The following LRGUK variants were observed in gnomAD, a reference collection of about 807,000 sequenced individuals.
LRGUK encodes the protein leucine-rich repeat and guanylate kinase domain-containing protein.
Under a neutral mutation model 76.0 loss-of-function variants are expected in LRGUK, and 65 were observed. The observed-to-expected ratio is 0.85, with a 90% confidence interval of 0.70 to 1.05. LRGUK has a LOEUF of 1.05. LRGUK is among the 50% of genes least tolerant of loss of function. LRGUK has a pLI of 0.00. For synonymous variants in LRGUK, 268 were observed against 265.6 expected, an observed-to-expected ratio of 1.01 and a Z score of -0.09; for missense variants, 758 against 732.8, an observed-to-expected ratio of 1.03 and a Z score of -0.40.
intron 2 of LRGUK, 112 bp downstream of exon 2, chr7:134,137,242 C>A: frequency 1.3e-6 from 1 of 741,642 alleles, no homozygotes. Context: ...TGGAGCCTCG[C>A]ATTTGATGGA....
intron 18 of LRGUK, among the ~76,000 whole-genome samples, chr7:134,257,298 T>C (rs1563202228): frequency 6.6e-6 from 1 of 152,150 alleles, no homozygotes; most frequent in Non-Finnish European, 1.5e-5. Flanking sequence ...ACAGCAAATA[T>C]GGTGGGGATG....
At chr7:134,197,914 A>T (rs559243999) in intron 13 of LRGUK, among the ~76,000 whole-genome samples, 6 of 151,344 alleles carry the variant, frequency 4.0e-5, no homozygotes, top group South Asian at 2.1e-4. Flanking sequence ...TTTTGGAATT[A>T]AAAAAAAAGC....
intron 17 of LRGUK, among the ~76,000 whole-genome samples, 158 bp from the exon 18 acceptor site, chr7:134,248,793 C>T (rs549038021): frequency 5.3e-5 from 8 of 152,224 alleles, no homozygotes; most frequent in African/African-American, 1.9e-4. Context: ...CTTAGACAAG[C>T]TCTGATGTGC....
intron 9 of LRGUK, among the ~76,000 whole-genome samples, chr7:134,177,607 T>C (rs998083494): frequency 2.6e-5 from 4 of 152,194 alleles, no homozygotes; most frequent in African/African-American, 9.6e-5. Flanking sequence ...CTTTTCATAC[T>C]CATGGTCACT....
chr7:134,183,735 A>C (rs1421274423), exon 11 of LRGUK: 3 of 1,613,544 alleles, frequency 1.9e-6, no homozygotes, highest in East Asian at 4.5e-5. Flanking sequence ...GTGTTGTAGC[A>C]CTCTTCCCAG....
chr7:134,207,574 C>T (rs1267806018), intron 15 of LRGUK, among the ~76,000 whole-genome samples: 2 of 152,174 alleles, frequency 1.3e-5, no homozygotes, highest in African/African-American at 4.8e-5. Context: ...TGATGGGATG[C>T]AAAGGGTGCG....
At position 134,242,070 on chromosome 7, in the gene LRGUK, T is replaced by G. The variant is rs549063842; in HGVS notation, c.1984-5486T>G. ...TTCAAAGCAGTGTGTAGAGGGAAAT[T>G]TATAGCACTAAATGCCCACAAGAGA... is the stretch of plus-strand genomic sequence containing the variant. On this transcript the variant is annotated intron_variant, in intron 16 of 19. Coordinates refer to the LRGUK transcript ENST00000285928. Among the ~76,000 whole-genome samples the G allele has an allele frequency of 2.4e-4, 37 of 152,256 alleles. No individual in the cohort carries two copies. In the East Asian group the frequency reaches 4.4e-3, roughly 18 times the overall value.
chr7:134,127,703 C>G, intron 1 of LRGUK, 39 bp downstream of exon 1: 3 of 1,571,884 alleles, frequency 1.9e-6, no homozygotes, highest in Non-Finnish European at 2.6e-6. Flanking sequence ...CTGGCTCCCT[C>G]GTCCAGCCCT....
At chr7:134,210,145 A>C in exon 16 of LRGUK, 7 of 399,098 alleles carry the variant, frequency 1.8e-5, no homozygotes, top group Non-Finnish European at 2.7e-5. Context: ...AAGAGGCACC[A>C]CCTGGGAACC....
intron 13 of LRGUK, among the ~76,000 whole-genome samples, chr7:134,198,705 T>C (rs1181548128): frequency 1.3e-5 from 2 of 152,142 alleles, no homozygotes; most frequent in Non-Finnish European, 2.9e-5. Flanking sequence ...CACAGTTCCA[T>C]GCTGTGATCT....
intron 3 of LRGUK, among the ~76,000 whole-genome samples, chr7:134,140,846 A>G (rs1195670820): frequency 3.3e-5 from 5 of 152,198 alleles, no homozygotes; most frequent in Admixed American, 1.3e-4. Flanking sequence ...AAGCACAAAT[A>G]GAATATTGGA....
intron 5 of LRGUK, among the ~76,000 whole-genome samples, chr7:134,148,721 T>C (rs1378812728): frequency 6.6e-6 from 1 of 152,080 alleles, no homozygotes; most frequent in African/African-American, 2.4e-5. Flanking sequence ...AGGTCGGAGT[T>C]CAAGACCAGC....
Position 134,166,055 on chromosome 7 carries a change from C to T in LRGUK, c.939+2515C>T, listed in dbSNP as rs553205329. On this transcript the variant is annotated intron_variant, in intron 7 of 15. Transcript: ENST00000645682. The stretch of plus-strand genomic sequence containing the variant: ...AGGTTGAGGAGCAACCCGCAGGCTC[C>T]CCAAATATTCTTTGAGCCTTCAGGA... Among the ~76,000 whole-genome samples the T allele has an allele frequency of 3.5e-5, 4 of 115,132 alleles. No homozygotes were observed. In the South Asian group the frequency reaches 9.1e-4, roughly 26 times the overall value. 75.5% of individuals were successfully genotyped at this position (115,132 alleles called of 152,430 possible). A position where few individuals can be genotyped will look rare whatever the true frequency, so the allele number is the denominator to read the frequency against.
intron 7 of LRGUK, 51 bp from the exon 8 acceptor site, chr7:134,174,505 A>C: frequency 8.8e-7 from 1 of 1,130,358 alleles, no homozygotes; most frequent in Non-Finnish European, 1.3e-6. Flanking sequence ...TATGTTTTCT[A>C]TTGTCTTTGT....
At position 134,247,594 on chromosome 7, in the gene LRGUK, GC is replaced by G. The variant is rs1802336735; in HGVS notation, c.2023del (p.Gln675LysfsTer3). 1 of 1,613,634 alleles carries G rather than the reference GC, an allele frequency of 6.2e-7. No homozygotes were observed. Among genetic ancestry groups the G allele is most frequent in the African/African-American group, 1.3e-5 (1 of 74,872 alleles). ...TACACAGACAGCACGAGGCAGCCCGGCAAGCTCTAATGGGAAGGATACGCCC... is the reference window on the plus strand; with the variant it reads ...TACACAGACAGCACGAGGCAGCCCGGAAGCTCTAATGGGAAGGATACGCCC... On this transcript the variant is annotated frameshift_variant, in exon 17 of 20. Transcript: ENST00000285928. LOFTEE classifies it high-confidence loss of function.
chr7:134,198,487 A>C (rs1217179492), intron 13 of LRGUK, among the ~76,000 whole-genome samples: 1 of 152,226 alleles, frequency 6.6e-6, no homozygotes, highest in African/African-American at 2.4e-5. Context: ...ATTTCTTCCA[A>C]CTGAATTTTT....
At position 134,184,915 on chromosome 7, in the gene LRGUK, C is replaced by T. The variant is rs569975441; in HGVS notation, c.1334+1062C>T. ...CTTGCAGTATGATAGCATGAATCAC[C>T]GTGTTGTGATGTGTGGTGGGCATAT... is the stretch of plus-strand genomic sequence containing the variant. On this transcript the variant is annotated intron_variant, in intron 11 of 15. Coordinates refer to ENST00000645682, the Ensembl canonical transcript of LRGUK. Among the ~76,000 whole-genome samples the T allele has an allele frequency of 3.3e-5, 5 of 152,336 alleles. No individual in the cohort carries two copies. In the South Asian group the frequency reaches 8.3e-4, roughly 25 times the overall value.
downstream of LRGUK, among the ~76,000 whole-genome samples, chr7:134,210,783 GCT>G (rs1221377273): frequency 6.6e-6 from 1 of 152,178 alleles, no homozygotes; most frequent in African/African-American, 2.4e-5. Context: ...GCCAGAGAGA[GCT>G]CTGTCCAAAG....
At chr7:134,201,895 G>A (rs930616596) in intron 15 of LRGUK, among the ~76,000 whole-genome samples, 1 of 152,180 alleles carries the variant, frequency 6.6e-6, no homozygotes, top group Non-Finnish European at 1.5e-5. Context: ...TCATTCCTTA[G>A]AGAGCTGAGA....
Sources: gnomAD v4.1 joint callset for allele counts (sites outside exome capture counted in the v4.1 genomes callset) on GRCh38, gnomAD v4.1.1 for gene constraint, MANE v1.5 for transcripts, NCBI Gene and HGNC (gene_info 2026-07-23, HGNC 2026-07-21) for gene names.